The following MFSD11 variants were observed in gnomAD, a reference collection of about 807,000 sequenced individuals.
MFSD11 encodes the protein major facilitator superfamily domain containing 11.
In MFSD11, 36 loss-of-function variants were observed where a neutral mutation model predicts 53.5. The observed-to-expected ratio is 0.67, with a 90% CI of 0.52 to 0.89. The LOEUF (loss-of-function observed/expected upper bound fraction) is 0.89, where lower values mean the gene tolerates loss of function less well. MFSD11 is among the 40% of genes least tolerant of loss of function. The probability of loss-of-function intolerance (pLI) is 0.00; values close to 1 mark genes in which losing one functional copy is unlikely to be tolerated. For synonymous variants in MFSD11, 186 were observed against 184.9 expected, an observed-to-expected ratio of 1.01 and a Z score of -0.05; for missense variants, 530 against 543.9, an observed-to-expected ratio of 0.97 and a Z score of 0.25.
chr17:76,736,763 CG>C (rs1025085922), upstream of MFSD11: 2 of 1,402,364 alleles, frequency 1.4e-6, no homozygotes, highest in Admixed American at 6.6e-5. Context: ...CCGCGCGCCC[CG>C]CCCCGCCTCC....
At position 76,742,288 on chromosome 17, in the gene MFSD11, G is replaced by A. The variant is rs765878572; in HGVS notation, c.437+15G>A. On this transcript the variant is annotated intron_variant, in intron 5 of 12. Coordinates refer to ENST00000685175, the MANE Select transcript of MFSD11 (RefSeq NM_001242532.5). ...CTGCAGTCTAGGTAATTATCCTTTT[G>A]AGGTTCAGTCTTTCCTTTTCTTTCT... 6.2e-7 allele frequency: 1 copy of A among 1,600,328 alleles called. No individual in the cohort carries two copies. Among genetic ancestry groups the A allele is most frequent in the South Asian group, 1.1e-5 (1 of 90,334 alleles).
the MFSD11 span, among the ~76,000 whole-genome samples, chr17:76,803,011 G>A: frequency 6.6e-6 from 1 of 152,074 alleles, no homozygotes; most frequent in South Asian, 2.1e-4. Flanking sequence ...CAAAAAATTA[G>A]CCGGGCGTGG....
chr17:76,749,287 G>A, intron 7 of MFSD11, among the ~76,000 whole-genome samples: 1 of 152,072 alleles, frequency 6.6e-6, no homozygotes, highest in Admixed American at 6.6e-5. Flanking sequence ...ACTTTGGGAG[G>A]CCGAGACAGG....
intron 10 of MFSD11, among the ~76,000 whole-genome samples, chr17:76,771,695 T>C (rs955040371): frequency 6.6e-6 from 1 of 152,204 alleles, no homozygotes; most frequent in East Asian, 1.9e-4. Flanking sequence ...TTAAATGTGT[T>C]GAATGAATAA....
intron 8 of MFSD11, among the ~76,000 whole-genome samples, chr17:76,762,812 C>T (rs978312176): frequency 6.6e-6 from 1 of 151,736 alleles, no homozygotes; most frequent in South Asian, 2.1e-4. Flanking sequence ...GGCGGGAAAT[C>T]AAAGGTTAGC....
At chr17:76,773,885 C>T (rs193012406) in intron 10 of MFSD11, among the ~76,000 whole-genome samples, 104 of 151,764 alleles carry the variant, frequency 6.9e-4, no homozygotes, top group African/African-American at 2.2e-3. Flanking sequence ...GGATTACAGG[C>T]GTGAGCCACC....
intron 11 of MFSD11, among the ~76,000 whole-genome samples, chr17:76,775,410 AG>A: frequency 6.6e-6 from 1 of 152,266 alleles, no homozygotes; most frequent in African/African-American, 2.4e-5. Context: ...TGATCCTTGA[AG>A]GAGCACGTAA....
Position 76,738,255 on chromosome 17 carries a change from C to T in MFSD11, c.-98C>T. On this transcript the variant is annotated 5_prime_UTR_variant, in exon 1 of 13. Coordinates refer to ENST00000685175, the MANE Select transcript of MFSD11 (RefSeq NM_001242532.5). ...GCCTGGCTCCTGCATCTGCCTTCTC[C>T]ACTCACCATCTCATTTCTTTCTCCA... is the stretch of plus-strand genomic sequence containing the variant. 1.3e-6 allele frequency: 1 copy of T among 767,908 alleles called. No homozygotes were observed. Among genetic ancestry groups the T allele is most frequent in the Non-Finnish European group, 2.2e-6 (1 of 447,474 alleles). The allele number at this position is 767,908 out of a possible 1,614,324, so 47.6% of individuals were successfully genotyped here. A position where few individuals can be genotyped will look rare whatever the true frequency, so the allele number is the denominator to read the frequency against.
upstream of MFSD11, chr17:76,736,867 T>G (rs773771490): frequency 1.9e-6 from 3 of 1,610,232 alleles, no homozygotes; most frequent in Non-Finnish European, 1.7e-6. Context: ...GGCTGTGGTG[T>G]GAGTCCGGGG....
intron 7 of MFSD11, among the ~76,000 whole-genome samples, chr17:76,753,298 C>T (rs964251410): frequency 2.6e-5 from 4 of 152,114 alleles, no homozygotes; most frequent in Admixed American, 6.6e-5. Context: ...AAGTCTCTGA[C>T]GGGTTTTAAT....
In MFSD11 at chr17:76,743,425, T is replaced by G. The variant is rs1258978128; in HGVS notation, c.465T>G (p.Tyr155Ter). Residue 155 changes from tyrosine (Y) to a stop codon, truncating the protein, a stop_gained, in exon 6 of 13, where the codon TAT becomes TAG. Coordinates refer to ENST00000685175, the MANE Select transcript of MFSD11 (RefSeq NM_001242532.5). LOFTEE classifies it high-confidence loss of function. ...SSLFFGNLYIYFAWQGKTQIS... is the reference protein window; with the variant it reads ...SSLFFGNLYI Reference sequence around the variant, plus strand: ...TGTTCTTTGGAAATCTCTACATATATTTTGCCTGGCAAGGGAAAACTCAGA... The same window carrying G: ...TGTTCTTTGGAAATCTCTACATATAGTTTGCCTGGCAAGGGAAAACTCAGA... 1.3e-6 allele frequency: 2 copies of G among 1,584,308 alleles called. No individual in the cohort carries two copies. The highest frequency in any genetic ancestry group is 2.7e-5 in the African/African-American group (2 of 73,524).
chr17:76,744,444 G>T lies in MFSD11; in HGVS notation c.619G>T (p.Asp207Tyr). 6.2e-7 allele frequency: 1 copy of T among 1,611,740 alleles called. No individual in the cohort carries two copies. The highest frequency in any genetic ancestry group is 1.1e-5 in the South Asian group (1 of 90,426). The change falls in exon 7 of 13, where the codon GAC (aspartate) becomes TAC (tyrosine). Residue 207 changes from aspartate (D) to tyrosine (Y), a missense_variant. Transcript: ENST00000685175. ...CCTAGGAGAAGATGAGTCTTCTGAT[G>T]ACCAGGACATGGAAGTCAACGAGTA... ...NVLGEDESSD[D>Y]QDMEVNESAQ...
intron 7 of MFSD11, chr17:76,752,810 C>T (rs1172577750): frequency 6.6e-6 from 1 of 152,096 alleles, no homozygotes; most frequent in African/African-American, 2.4e-5. Context: ...TGGTAATCTT[C>T]CTGAGGTAAA....
chr17:76,764,372 C>T (rs529502598), intron 8 of MFSD11, among the ~76,000 whole-genome samples: 30 of 152,254 alleles, frequency 2.0e-4, no homozygotes, highest in South Asian at 4.1e-4. Flanking sequence ...TCCTGCCTAA[C>T]GAAAACTTTG....
At chr17:76,784,286 A>G (rs1016789102), downstream of MFSD11, among the ~76,000 whole-genome samples, 5 of 152,190 alleles carry the variant, frequency 3.3e-5, no homozygotes, top group African/African-American at 1.2e-4. Flanking sequence ...CTGTAATCCC[A>G]GCACTTTGGG....
chr17:76,742,321 C>T (rs1428824397), intron 5 of MFSD11, 48 bp downstream of exon 5: 4 of 1,493,150 alleles, frequency 2.7e-6, no homozygotes, highest in Non-Finnish European at 3.7e-6. Context: ...TCTTTTTTTT[C>T]TGTCATACCA....
At chr17:76,786,135 G>A (rs2082271378), downstream of MFSD11, among the ~76,000 whole-genome samples, 1 of 148,880 alleles carries the variant, frequency 6.7e-6, no homozygotes, top group Non-Finnish European at 1.5e-5. Flanking sequence ...CACTCCTGGA[G>A]CTCTTCTAAT....
intron 7 of MFSD11, among the ~76,000 whole-genome samples, chr17:76,753,544 C>T (rs184269632): frequency 2.0e-5 from 3 of 151,856 alleles, no homozygotes; most frequent in East Asian, 3.9e-4. Flanking sequence ...GTGGTGGGAC[C>T]CACCTGTAAT....
chr17:76,798,076 T>TG, the MFSD11 span, among the ~76,000 whole-genome samples: 1 of 151,410 alleles, frequency 6.6e-6, no homozygotes, highest in Non-Finnish European at 1.5e-5. Context: ...TATGTAGAGA[T>TG]GGGGTCTCAC....
Sources: allele counts gnomAD v4.1 joint callset (sites outside exome capture counted in the v4.1 genomes callset), GRCh38; gene constraint gnomAD v4.1.1; transcripts MANE v1.5; gene names NCBI Gene and HGNC (gene_info 2026-07-23, HGNC 2026-07-21).